The following AUTS2 variants were observed in gnomAD, a reference collection of about 807,000 sequenced individuals.
The protein encoded by AUTS2 is autism susceptibility gene 2 protein.
A neutral mutation model predicts 112.4 loss-of-function variants in AUTS2; 17 were observed. The observed-to-expected ratio is 0.15, with a 90% CI of 0.10 to 0.23. AUTS2 has a LOEUF of 0.23. AUTS2 is among the 10% of genes least tolerant of loss of function. The probability of loss-of-function intolerance (pLI) is 1.00; values close to 1 mark genes in which losing one functional copy is unlikely to be tolerated. For missense variants in AUTS2, 1,510 were observed against 1,701.6 expected, an observed-to-expected ratio of 0.89 and a Z score of 1.98; for synonymous variants, 751 against 702.7, an observed-to-expected ratio of 1.07 and a Z score of -1.09.
chr7:69,751,472 T>G (rs1307471750), intron 1 of AUTS2, among the ~76,000 whole-genome samples: 2 of 152,162 alleles, frequency 1.3e-5, no homozygotes, highest in Non-Finnish European at 2.9e-5. Flanking sequence ...TATATTCTCC[T>G]TGGTACTTTT....
rs1794885566 is a variant in AUTS2 at position 69,899,469 on chromosome 7, A to G, written c.493A>G (p.Arg165Gly). The change falls in exon 2 of 19, where the codon AGA becomes GGA. Residue 165 changes from arginine (R) to glycine (G), a missense_variant. Physicochemically the swap from Arg to Gly is moderately radical, Grantham distance 125 (BLOSUM62 -2). Around this residue, in one of 3 missense-constraint regions of AUTS2, gnomAD observed 535 missense variants for 594.3 expected, o/e 0.90. Transcript: ENST00000342771. ...CAATCTCTGCCAGCACCTTGGGAAG[A>G]GAAAGAAAATGCCGAAGGCACTCAG... ...DRNLCQHLGK[R>G]KKMPKALRQL... 6.2e-7 allele frequency: 1 copy of G among 1,613,998 alleles called. No individual in the cohort carries two copies. The highest frequency in any genetic ancestry group is 8.5e-7 in the Non-Finnish European group (1 of 1,179,866).
chr7:70,145,617 C>G (rs1452836928), intron 4 of AUTS2, among the ~76,000 whole-genome samples: 1 of 151,970 alleles, frequency 6.6e-6, no homozygotes, highest in African/African-American at 2.4e-5. Context: ...TGTAGTAGGT[C>G]TATGTTATAC....
At chr7:70,466,659 G>C (rs1208173048) in intron 5 of AUTS2, among the ~76,000 whole-genome samples, 1 of 152,134 alleles carries the variant, frequency 6.6e-6, no homozygotes, top group Non-Finnish European at 1.5e-5. Flanking sequence ...AATAATACCT[G>C]TTCACAATCT....
intron 2 of AUTS2, among the ~76,000 whole-genome samples, chr7:70,098,771 C>T (rs908344797): frequency 4.6e-5 from 7 of 150,838 alleles, no homozygotes; most frequent in South Asian, 4.2e-4. Context: ...GTCACAATCT[C>T]GGCTCACTGC....
At chr7:69,731,537 T>C (rs1275655046) in intron 1 of AUTS2, among the ~76,000 whole-genome samples, 2 of 152,226 alleles carry the variant, frequency 1.3e-5, no homozygotes, top group Non-Finnish European at 2.9e-5. Context: ...TTATTACTTT[T>C]ATTAACAAGT....
intron 1 of AUTS2, among the ~76,000 whole-genome samples, chr7:69,738,920 A>G (rs556719775): frequency 2.6e-5 from 4 of 152,082 alleles, no homozygotes; most frequent in Non-Finnish European, 5.9e-5. Context: ...CTTATTTTGC[A>G]TTCTCCTAAT....
intron 5 of AUTS2, among the ~76,000 whole-genome samples, chr7:70,556,974 C>T (rs140656857): frequency 0.023 from 3,560 of 152,294 alleles, 56 homozygotes; most frequent in Non-Finnish European, 0.035. Context: ...TGACTTCCTC[C>T]TGTGCGCTCC....
chr7:70,692,076 C>T (rs1808784571), intron 5 of AUTS2, among the ~76,000 whole-genome samples: 1 of 152,040 alleles, frequency 6.6e-6, no homozygotes, highest in Admixed American at 6.6e-5. Context: ...CCATGTTAGC[C>T]AGGCTGGTCT....
rs148918453 is a variant in AUTS2 at position 70,258,563 on chromosome 7, C to G, written c.660+123992C>G. 2.0e-5 allele frequency among the ~76,000 whole-genome samples: 3 copies of G among 152,240 alleles called. No homozygotes were observed. In the East Asian group the frequency reaches 5.8e-4, roughly 29 times the overall value. ...CCTTGTCCATGTGTGAGGCAAGGGA[C>G]TCATTGGGCCACCTTCACAGGGTTT... On this transcript the variant is annotated intron_variant, in intron 4 of 18. Coordinates refer to ENST00000342771, the MANE Select transcript of AUTS2 (RefSeq NM_015570.4).
At chr7:70,315,283 A>G (rs1348951526) in intron 4 of AUTS2, among the ~76,000 whole-genome samples, 3 of 152,162 alleles carry the variant, frequency 2.0e-5, no homozygotes, top group East Asian at 1.9e-4. Context: ...CAGTATCCCA[A>G]AGTTTATAGA....
At chr7:69,838,860 T>G (rs1302161310) in intron 1 of AUTS2, among the ~76,000 whole-genome samples, 3 of 152,132 alleles carry the variant, frequency 2.0e-5, no homozygotes, top group Non-Finnish European at 4.4e-5. Context: ...ATTTTAATTT[T>G]TAGTCCCTAC....
intron 1 of AUTS2, among the ~76,000 whole-genome samples, chr7:69,769,809 C>A (rs1788586104): frequency 6.6e-6 from 1 of 152,160 alleles, no homozygotes; most frequent in Non-Finnish European, 1.5e-5. Context: ...TAGGAGGGTC[C>A]AGTGAACTGA....
At chr7:70,721,291 T>TGTGC (rs1382148338) in intron 6 of AUTS2, among the ~76,000 whole-genome samples, 1 of 147,630 alleles carries the variant, frequency 6.8e-6, no homozygotes, top group African/African-American at 2.5e-5. Context: ...TGTGTGTGTG[T>TGTGC]GTGTGTGTGT....
chr7:70,635,890 C>A (rs958761031), intron 5 of AUTS2, among the ~76,000 whole-genome samples: 4 of 152,182 alleles, frequency 2.6e-5, no homozygotes, highest in Admixed American at 2.0e-4. Context: ...AGCACCCAGG[C>A]ACTTTCAGCC....
At chr7:69,999,594 A>G (rs1302774412) in intron 2 of AUTS2, among the ~76,000 whole-genome samples, 1 of 152,164 alleles carries the variant, frequency 6.6e-6, no homozygotes, top group Non-Finnish European at 1.5e-5. Flanking sequence ...AGTGATGACC[A>G]CTTAATTCCT....
intron 1 of AUTS2, among the ~76,000 whole-genome samples, chr7:69,752,585 T>C (rs1163806218): frequency 5.3e-5 from 8 of 152,184 alleles, no homozygotes; most frequent in East Asian, 3.9e-4. Flanking sequence ...GTGCGACTTA[T>C]TTTGATCAGG....
rs71077667 is a variant in AUTS2, at chr7:70,606,345, G to GTATTTA, written c.691-92212_691-92207dup. Reference sequence around the variant, plus strand: ...CTATGATTCTTAAAAGTTAATATTTGTATTTATATTTATATTTGCAGCCCA... The same window carrying GTATTTA: ...CTATGATTCTTAAAAGTTAATATTTGTATTTATATTTATATTTATATTTGCAGCCCA... On this transcript the variant is annotated intron_variant, in intron 5 of 18. Coordinates refer to ENST00000342771, the MANE Select transcript of AUTS2 (RefSeq NM_015570.4). Among the ~76,000 whole-genome samples the GTATTTA allele has an allele frequency of 9.0e-3, 1,363 of 151,810 alleles. 21 individuals are homozygous for GTATTTA. The highest frequency in any genetic ancestry group is 0.031 in the African/African-American group (1,269 of 41,340).
At chr7:70,606,672 T>A (rs1012980315) in intron 5 of AUTS2, among the ~76,000 whole-genome samples, 1 of 151,906 alleles carries the variant, frequency 6.6e-6, no homozygotes, top group Non-Finnish European at 1.5e-5. Context: ...ACCAGCCTCA[T>A]CAAAAGTGGT....
At chr7:70,062,777 A>T (rs1421287846) in intron 2 of AUTS2, among the ~76,000 whole-genome samples, 1 of 152,168 alleles carries the variant, frequency 6.6e-6, no homozygotes, top group Non-Finnish European at 1.5e-5. Flanking sequence ...GAGTTACATG[A>T]ACTCTGTTGT....
Sources: gnomAD v4.1 joint callset for allele counts (sites outside exome capture counted in the v4.1 genomes callset) on GRCh38, gnomAD v4.1.1 for gene constraint, gnomAD v4.1.1 regional missense constraint, MANE v1.5 for transcripts, NCBI Gene and HGNC (gene_info 2026-07-23, HGNC 2026-07-21) for gene names.